The following PRKN variants were observed in gnomAD, a reference collection of about 807,000 sequenced individuals.
PRKN encodes the protein parkin RBR E3 ubiquitin protein ligase, also known as E3 ubiquitin-protein ligase parkin.
A neutral mutation model predicts 59.5 loss-of-function variants in PRKN; 56 were observed. The observed-to-expected ratio is 0.94, with a 90% CI of 0.76 to 1.18. The LOEUF is 1.18. PRKN is among the 50% of genes most tolerant of loss of function. The probability of loss-of-function intolerance (pLI) is 0.00; values close to 1 mark genes in which losing one functional copy is unlikely to be tolerated. For synonymous variants in PRKN, 250 were observed against 222.1 expected (o/e 1.13, Z -1.12); for missense variants, 657 against 596.4 (o/e 1.10, Z -1.06).
intron 4 of PRKN, among the ~76,000 whole-genome samples, chr6:162,138,573 A>C (rs1487762964): frequency 6.6e-6 from 1 of 152,226 alleles, no homozygotes; most frequent in African/African-American, 2.4e-5. Context: ...CAATTAAAAA[A>C]GATCCAGAAA....
At chr6:161,852,602 A>G (rs554479884) in intron 6 of PRKN, among the ~76,000 whole-genome samples, 61 of 152,308 alleles carry the variant, frequency 4.0e-4, no homozygotes, top group Non-Finnish European at 8.5e-4. Context: ...AGAATTTGCA[A>G]CAAGACCAAT....
chr6:161,426,838 C>A (rs1384828798), intron 9 of PRKN, among the ~76,000 whole-genome samples: 2 of 152,048 alleles, frequency 1.3e-5, no homozygotes, highest in Non-Finnish European at 2.9e-5. Flanking sequence ...CCTGCCTCAG[C>A]CTTCCGAGTA....
intron 3 of PRKN, among the ~76,000 whole-genome samples, chr6:162,208,872 C>T (rs1433218728): frequency 2.6e-5 from 4 of 152,038 alleles, no homozygotes; most frequent in Non-Finnish European, 5.9e-5. Context: ...GAGGCAGCAC[C>T]TATGGGAAAA....
chr6:162,699,435 T>C (rs1316988762), intron 1 of PRKN, among the ~76,000 whole-genome samples: 5 of 152,136 alleles, frequency 3.3e-5, no homozygotes, highest in Admixed American at 1.3e-4. Flanking sequence ...AAGCTCTGAA[T>C]AGATAACATC....
chr6:161,426,111 C>T (rs182119259), intron 9 of PRKN, among the ~76,000 whole-genome samples: 1 of 151,722 alleles, frequency 6.6e-6, no homozygotes, highest in East Asian at 1.9e-4. Flanking sequence ...GATGGGGTGA[C>T]AAATTTAAAG....
At chr6:161,680,740 TA>T (rs1562603455) in intron 7 of PRKN, among the ~76,000 whole-genome samples, 447 of 5,710 alleles carry the variant, frequency 0.078, 57 homozygotes, top group African/African-American at 0.17. Context: ...TATATATATA[TA>T]TATATATATA....
At position 162,414,726 on chromosome 6, in the gene PRKN, A is replaced by AAAAAAAAAAGT. The variant is rs34838356; in HGVS notation, c.171+28583_171+28584insACTTTTTTTTT. Among the ~76,000 whole-genome samples, 234 of 91,834 alleles carry AAAAAAAAAAGT rather than the reference A, an allele frequency of 2.5e-3. 49 individuals are homozygous for AAAAAAAAAAGT. Among genetic ancestry groups the AAAAAAAAAAGT allele is most frequent in the African/African-American group, 9.1e-3 (200 of 22,042 alleles). The allele number at this position is 91,834 out of a possible 152,430, so 60.2% of individuals were successfully genotyped here. A position where few individuals can be genotyped will look rare whatever the true frequency, so the allele number is the denominator to read the frequency against. Reference sequence around the variant, plus strand: ...ACTCCGTCTCAAAAAAAAAAAAAAAAAGTGAATCTTTGAAGTTTTAAAATA... The same window carrying AAAAAAAAAAGT: ...ACTCCGTCTCAAAAAAAAAAAAAAAAAAAAAAAAAGTAGTGAATCTTTGAAGTTTTAAAATA... On this transcript the variant is annotated intron_variant, in intron 2 of 11. Coordinates refer to ENST00000366898, the MANE Select transcript of PRKN (RefSeq NM_004562.3).
chr6:162,575,862 T>C (rs558216821), intron 1 of PRKN, among the ~76,000 whole-genome samples: 93 of 152,324 alleles, frequency 6.1e-4, no homozygotes, highest in African/African-American at 1.9e-3. Flanking sequence ...ACAATCGGCC[T>C]GGAGGTTTTG....
At chr6:161,897,966 C>CAAAAAAAAAAAAAAAAAAAAAAAAAA (rs55714271) in intron 6 of PRKN, among the ~76,000 whole-genome samples, 10 of 38,282 alleles carry the variant, frequency 2.6e-4, no homozygotes, top group Non-Finnish European at 3.7e-4. Context: ...GACTCCGTCT[C>CAAAAAAAAAAAAAAAAAAAAAAAAAA]AAAAAAAAAA....
intron 5 of PRKN, among the ~76,000 whole-genome samples, chr6:162,019,164 A>C (rs906140128): frequency 6.6e-6 from 1 of 152,178 alleles, no homozygotes; most frequent in African/African-American, 2.4e-5. Context: ...ATTTTTATGG[A>C]GAAAAACATG....
chr6:162,025,583 CT>C (rs1177676968), intron 5 of PRKN, among the ~76,000 whole-genome samples: 124 of 58,960 alleles, frequency 2.1e-3, no homozygotes, highest in African/African-American at 6.7e-3. Context: ...ATCCATGGTG[CT>C]TTTTTTTTTT....
At chr6:161,535,170 C>A (rs1479414429) in intron 9 of PRKN, among the ~76,000 whole-genome samples, 1 of 152,212 alleles carries the variant, frequency 6.6e-6, no homozygotes, top group Non-Finnish European at 1.5e-5. Context: ...CTACTGAATG[C>A]AAACTCTATT....
chr6:161,644,077 T>C (rs533925418), intron 7 of PRKN, among the ~76,000 whole-genome samples: 1 of 152,296 alleles, frequency 6.6e-6, no homozygotes, highest in African/African-American at 2.4e-5. Context: ...AGGAGAATCT[T>C]TCCTCCAAGG....
chr6:162,229,432 C>T (rs1423853801), intron 3 of PRKN, among the ~76,000 whole-genome samples: 2 of 152,194 alleles, frequency 1.3e-5, no homozygotes, highest in Admixed American at 1.3e-4. Context: ...AGCACCTGCT[C>T]TTACCTGGAA....
chr6:162,135,215 T>C (rs1410899568), intron 4 of PRKN, among the ~76,000 whole-genome samples: 1 of 152,138 alleles, frequency 6.6e-6, no homozygotes, highest in Non-Finnish European at 1.5e-5. Context: ...TAGCTCACTG[T>C]AGTCTCTAAC....
chr6:162,436,169 C>T (rs1239679876), intron 2 of PRKN, among the ~76,000 whole-genome samples: 1 of 88,052 alleles, frequency 1.1e-5, no homozygotes, highest in Non-Finnish European at 2.1e-5. Flanking sequence ...GAGTAAGACT[C>T]CATCTCCAAA....
At chr6:162,642,019 A>C (rs192105102) in intron 1 of PRKN, among the ~76,000 whole-genome samples, 1 of 152,184 alleles carries the variant, frequency 6.6e-6, no homozygotes. Context: ...CTTTGGGACT[A>C]GTCTTGTTTT....
At chr6:161,659,069 C>T (rs1479115145) in intron 7 of PRKN, among the ~76,000 whole-genome samples, 1 of 152,150 alleles carries the variant, frequency 6.6e-6, no homozygotes, top group East Asian at 1.9e-4. Context: ...CTGGTCTCTC[C>T]ATTGTCCTTG....
At chr6:161,980,493 G>A (rs1781219815) in intron 5 of PRKN, among the ~76,000 whole-genome samples, 1 of 152,200 alleles carries the variant, frequency 6.6e-6, no homozygotes, top group Non-Finnish European at 1.5e-5. Flanking sequence ...ATTAGTTATA[G>A]AGGAGTGGAA....
Sources: allele counts gnomAD v4.1 joint callset (sites outside exome capture counted in the v4.1 genomes callset), GRCh38; gene constraint gnomAD v4.1.1; transcripts MANE v1.5; gene names NCBI Gene and HGNC (gene_info 2026-07-23, HGNC 2026-07-21).